The following GRM5 variants were observed in gnomAD, a reference collection of about 807,000 sequenced individuals.
The protein encoded by GRM5 is metabotropic glutamate receptor 5.
In GRM5, 19 loss-of-function variants were observed where a neutral mutation model predicts 83.1. The observed-to-expected ratio is 0.23, with a 90% CI of 0.16 to 0.34. The LOEUF is 0.34. GRM5 is among the 10% of genes least tolerant of loss of function. The pLI is 1.00. For missense variants in GRM5, 1,160 were observed against 1,588.3 expected (o/e 0.73, Z 4.58); for synonymous variants, 675 against 633.6 (o/e 1.07, Z -0.98).
intron 2 of GRM5, among the ~76,000 whole-genome samples, chr11:88,977,961 A>C (rs1939394173): frequency 6.6e-6 from 1 of 152,208 alleles, no homozygotes; most frequent in African/African-American, 2.4e-5. Context: ...AAATTGTTTT[A>C]TTACCCTTTC....
intron 2 of GRM5, among the ~76,000 whole-genome samples, chr11:89,001,198 T>C (rs1247238173): frequency 2.0e-5 from 3 of 152,048 alleles, no homozygotes; most frequent in African/African-American, 7.2e-5. Context: ...TATCATACAA[T>C]ACAGCAATCA....
intron 2 of GRM5, among the ~76,000 whole-genome samples, chr11:88,997,345 A>AC (rs1940216228): frequency 2.0e-5 from 3 of 151,132 alleles, no homozygotes; most frequent in African/African-American, 7.3e-5. Flanking sequence ...AAAAAAAAAA[A>AC]AAAAAGAATG....
rs145402085 is a variant in GRM5, at chr11:88,623,426, G to T, written c.1148-18462C>A. On this transcript the variant is annotated intron_variant, in intron 4 of 9. Transcript: ENST00000305447. ...ATTACAGGTGTGAGCCACCGTGCCC[G>T]GCCAGAGACCACTTATATTGTCCTC... 4.0e-4 allele frequency among the ~76,000 whole-genome samples: 61 copies of T among 152,074 alleles called. No homozygotes were observed. In the East Asian group the frequency reaches 0.011, roughly 27 times the overall value.
chr11:88,782,579 T>C (rs1408345159), intron 3 of GRM5, among the ~76,000 whole-genome samples: 1 of 152,168 alleles, frequency 6.6e-6, no homozygotes, highest in African/African-American at 2.4e-5. Flanking sequence ...TGGGTAACTT[T>C]TACTAATTGC....
At chr11:88,560,779 T>C (rs1352322282) in intron 8 of GRM5, among the ~76,000 whole-genome samples, 1 of 152,142 alleles carries the variant, frequency 6.6e-6, no homozygotes, top group African/African-American at 2.4e-5. Flanking sequence ...CATTAGATAG[T>C]TGTGAAAATG....
At chr11:88,545,449 A>G (rs1942366415) in intron 8 of GRM5, among the ~76,000 whole-genome samples, 1 of 151,830 alleles carries the variant, frequency 6.6e-6, no homozygotes, top group Non-Finnish European at 1.5e-5. Flanking sequence ...TATCAAATGC[A>G]GTTGGCCCCC....
chr11:88,724,723 G>A (rs1941634477), intron 3 of GRM5, among the ~76,000 whole-genome samples: 1 of 152,112 alleles, frequency 6.6e-6, no homozygotes, highest in African/African-American at 2.4e-5. Context: ...TTCTCACTGG[G>A]ACTGGTTAGA....
intron 2 of GRM5, among the ~76,000 whole-genome samples, chr11:89,000,023 G>A (rs915713024): frequency 6.6e-6 from 1 of 152,070 alleles, no homozygotes; most frequent in Non-Finnish European, 1.5e-5. Flanking sequence ...TCATTCACAG[G>A]TGGGAATTGA....
intron 3 of GRM5, among the ~76,000 whole-genome samples, chr11:88,747,195 A>C (rs539711322): frequency 3.0e-4 from 46 of 152,284 alleles, no homozygotes; most frequent in African/African-American, 9.9e-4. Context: ...AGGCTTCAAA[A>C]CTGTTTCCAA....
At chr11:88,636,328 ATGGTGAAACAC>A (rs943297357) in intron 4 of GRM5, among the ~76,000 whole-genome samples, 47 of 152,310 alleles carry the variant, frequency 3.1e-4, no homozygotes, top group African/African-American at 1.0e-3. Context: ...CCTGGCCAAC[ATGGTGAAACAC>A]TGTCCCTACT....
chr11:88,688,096 G>A (rs1012428395), intron 3 of GRM5, among the ~76,000 whole-genome samples: 1 of 152,110 alleles, frequency 6.6e-6, no homozygotes, highest in Admixed American at 6.6e-5. Context: ...ACTTTGGAAA[G>A]GTCTTGGACA....
At chr11:88,628,199 C>T (rs1159724227) in intron 4 of GRM5, among the ~76,000 whole-genome samples, 1 of 152,156 alleles carries the variant, frequency 6.6e-6, no homozygotes, top group Non-Finnish European at 1.5e-5. Context: ...GCCTAGAGCC[C>T]TTAAGTCACA....
intron 3 of GRM5, among the ~76,000 whole-genome samples, chr11:88,735,952 GT>G (rs151050083): frequency 0.039 from 5,921 of 152,064 alleles, 274 homozygotes; most frequent in Admixed American, 0.15. Flanking sequence ...TATGGCCTAT[GT>G]TTTCCTGTGA....
At chr11:88,621,081 C>A (rs1938621109) in intron 4 of GRM5, among the ~76,000 whole-genome samples, 1 of 152,110 alleles carries the variant, frequency 6.6e-6, no homozygotes, top group African/African-American at 2.4e-5. Flanking sequence ...CAGTATTTTG[C>A]AGAACTTCCA....
intron 4 of GRM5, among the ~76,000 whole-genome samples, chr11:88,636,682 T>G (rs1305769621): frequency 6.6e-6 from 1 of 152,170 alleles, no homozygotes; most frequent in Admixed American, 6.5e-5. Context: ...TAAACACCAC[T>G]TGGTAATAAT....
chr11:88,863,393 A>G (rs1944603231), intron 2 of GRM5, among the ~76,000 whole-genome samples: 1 of 152,180 alleles, frequency 6.6e-6, no homozygotes, highest in Admixed American at 6.6e-5. Context: ...AGATTTAAAA[A>G]AAAATGATAC....
intron 3 of GRM5, among the ~76,000 whole-genome samples, chr11:88,837,074 A>C (rs1590898444): frequency 6.6e-6 from 1 of 152,222 alleles, no homozygotes; most frequent in Admixed American, 6.5e-5. Context: ...TTGATTACAG[A>C]AAGTGTAATT....
At chr11:88,600,735 T>G (rs1937962770) in intron 5 of GRM5, among the ~76,000 whole-genome samples, 1 of 152,204 alleles carries the variant, frequency 6.6e-6, no homozygotes, top group African/African-American at 2.4e-5. Flanking sequence ...TTCAAGGGGC[T>G]GAAACAGGGT....
At chr11:88,748,225 A>G (rs1942184461) in intron 3 of GRM5, among the ~76,000 whole-genome samples, 1 of 152,106 alleles carries the variant, frequency 6.6e-6, no homozygotes, top group Non-Finnish European at 1.5e-5. Context: ...CAGAGCAGCC[A>G]CTCAGGCACA....
Sources: gnomAD v4.1 joint callset for allele counts (sites outside exome capture counted in the v4.1 genomes callset) on GRCh38, gnomAD v4.1.1 for gene constraint, MANE v1.5 for transcripts, NCBI Gene and HGNC (gene_info 2026-07-23, HGNC 2026-07-21) for gene names.